Variants in DSCAML1 observed in about 807,000 individuals in gnomAD.
The protein encoded by DSCAML1 is DS cell adhesion molecule like 1, also known as cell adhesion molecule DSCAML1.
In DSCAML1, 38 loss-of-function variants were observed where a neutral mutation model predicts 200.5. The observed-to-expected ratio is 0.19, with a 90% CI of 0.15 to 0.25. The LOEUF (loss-of-function observed/expected upper bound fraction) is 0.25, where lower values mean the gene tolerates loss of function less well. Ranked by LOEUF, DSCAML1 falls within the 10% of genes least tolerant of loss-of-function variation. The probability of loss-of-function intolerance (pLI) is 1.00; values close to 1 mark genes in which losing one functional copy is unlikely to be tolerated. For synonymous variants in DSCAML1, 1,215 were observed against 1,165.0 expected, an observed-to-expected ratio of 1.04 and a Z score of -0.87; for missense variants, 2,223 against 2,858.8, an observed-to-expected ratio of 0.78 and a Z score of 5.07.
Position 117,780,658 on chromosome 11 carries a change from TGTC to T in DSCAML1, c.196_198del (p.Asp66del). 1 of 1,591,798 alleles carries T rather than the reference TGTC, an allele frequency of 6.3e-7. No individual in the cohort carries two copies. The highest frequency in any genetic ancestry group is 8.6e-7 in the Non-Finnish European group (1 of 1,167,836). Reference sequence around the variant, plus strand: ...TGCCGGATGTGCGGCACGTCGTAGATGTCGTCCCCTGTGGCCAGGTACCATCGA... The same window carrying T: ...TGCCGGATGTGCGGCACGTCGTAGATGTCCCCTGTGGCCAGGTACCATCGA... On this transcript the variant is annotated inframe_deletion, in exon 2 of 33. Transcript: ENST00000651296. The surrounding 1 kb of genome is among the most constrained non-coding windows in gnomAD (Gnocchi z 4.8).
At chr11:117,635,817 T>G (rs1241272988) in intron 3 of DSCAML1, among the ~76,000 whole-genome samples, 1 of 152,090 alleles carries the variant, frequency 6.6e-6, no homozygotes, top group Non-Finnish European at 1.5e-5. Context: ...GTCATAACGC[T>G]GGGTGGGAAA....
At chr11:117,626,208 CCTCCT>C (rs1435841392) in intron 3 of DSCAML1, among the ~76,000 whole-genome samples, 51 of 133,940 alleles carry the variant, frequency 3.8e-4, no homozygotes, top group African/African-American at 5.7e-4. Flanking sequence ...GACCCCCCCC[CCTCCT>C]TCTTCTGGCA....
intron 3 of DSCAML1, among the ~76,000 whole-genome samples, chr11:117,652,241 C>T (rs12295213): frequency 0.02 from 3,059 of 152,310 alleles, 96 homozygotes; most frequent in African/African-American, 0.067. Context: ...GAATTAGTCT[C>T]CAGCGTGTTG....
At chr11:117,553,290 A>T (rs576390) in intron 3 of DSCAML1, among the ~76,000 whole-genome samples, 2 of 152,060 alleles carry the variant, frequency 1.3e-5, no homozygotes, top group Middle Eastern at 3.2e-3. Context: ...TAAATTGGAC[A>T]TCATCAACAT....
chr11:117,656,496 CATCTATCT>C (rs71469141), intron 3 of DSCAML1, among the ~76,000 whole-genome samples: 3,412 of 147,374 alleles, frequency 0.023, 47 homozygotes, highest in African/African-American at 0.028. Flanking sequence ...TTACCTAAAT[CATCTATCT>C]ATCTATCTAT....
chr11:117,684,457 AAAAG>A (rs2053369638), intron 3 of DSCAML1, among the ~76,000 whole-genome samples: 1 of 148,520 alleles, frequency 6.7e-6, no homozygotes, highest in African/African-American at 2.5e-5. Context: ...AAAAAAAAAA[AAAAG>A]AAAAAAAGAG....
chr11:117,428,936 T>C (rs547201576), intron 32 of DSCAML1, 133 bp from the exon 33 acceptor site: 3 of 759,402 alleles, frequency 4.0e-6, no homozygotes, highest in Non-Finnish European at 6.3e-6. Context: ...TGGGGGGCAA[T>C]AAAGAGTAGC....
chr11:117,584,385 T>C (rs1206342309), intron 3 of DSCAML1, among the ~76,000 whole-genome samples: 1 of 152,150 alleles, frequency 6.6e-6, no homozygotes, highest in African/African-American at 2.4e-5. Context: ...ATGGGATGTT[T>C]AGGAGGAAAA....
intron 3 of DSCAML1, among the ~76,000 whole-genome samples, chr11:117,574,401 T>C (rs915961948): frequency 6.6e-6 from 1 of 152,118 alleles, no homozygotes; most frequent in African/African-American, 2.4e-5. Context: ...CTGCTGGTAT[T>C]AATGGGGAGC....
chr11:117,735,118 C>T (rs1278719968), intron 3 of DSCAML1, among the ~76,000 whole-genome samples: 2 of 152,180 alleles, frequency 1.3e-5, no homozygotes, highest in Non-Finnish European at 2.9e-5. Context: ...GTGGAAAGGG[C>T]AGATGGACTG....
intron 3 of DSCAML1, among the ~76,000 whole-genome samples, chr11:117,737,862 CTG>C (rs1400013304): frequency 6.6e-6 from 1 of 152,178 alleles, no homozygotes; most frequent in Admixed American, 6.5e-5. Flanking sequence ...ATGGCAGGCT[CTG>C]GGGACTGGGA....
At chr11:117,566,956 A>G (rs1565793801) in intron 3 of DSCAML1, among the ~76,000 whole-genome samples, 1 of 151,958 alleles carries the variant, frequency 6.6e-6, no homozygotes, top group East Asian at 1.9e-4. Flanking sequence ...TATGTGCCAC[A>G]TTTTCTTAAT....
chr11:117,725,606 C>T (rs906500592), intron 3 of DSCAML1, among the ~76,000 whole-genome samples: 4 of 152,176 alleles, frequency 2.6e-5, no homozygotes, highest in Admixed American at 1.3e-4. Context: ...TCATCCGTTC[C>T]GATCAGCTGC....
At chr11:117,473,323 T>A (rs2137186024) in intron 14 of DSCAML1, among the ~76,000 whole-genome samples, 1 of 152,128 alleles carries the variant, frequency 6.6e-6, no homozygotes, top group Admixed American at 6.5e-5. Context: ...ATGGTGAAAC[T>A]CTGTCTGTAC....
chr11:117,763,154 G>A (rs73587429), intron 3 of DSCAML1, among the ~76,000 whole-genome samples: 8,607 of 152,064 alleles, frequency 0.057, 339 homozygotes, highest in African/African-American at 0.098. Context: ...GGTATGTGAC[G>A]GAGGCAGCTC....
intron 3 of DSCAML1, among the ~76,000 whole-genome samples, chr11:117,757,337 T>C (rs1243673733): frequency 6.6e-6 from 1 of 152,116 alleles, no homozygotes; most frequent in African/African-American, 2.4e-5. Context: ...CAATCACTAA[T>C]AGCCTTCAAG....
intron 3 of DSCAML1, among the ~76,000 whole-genome samples, chr11:117,542,135 C>T (rs1458089131): frequency 1.3e-5 from 2 of 152,042 alleles, no homozygotes; most frequent in African/African-American, 4.8e-5. Context: ...CATGGTGAAA[C>T]CCCGTCTCTA....
intron 4 of DSCAML1, among the ~76,000 whole-genome samples, chr11:117,525,642 T>C (rs1489576336): frequency 6.6e-6 from 1 of 152,056 alleles, no homozygotes; most frequent in Non-Finnish European, 1.5e-5. Context: ...GTACTTTTAG[T>C]AGAGACAGGA....
chr11:117,702,001 C>T (rs998953529), intron 3 of DSCAML1, among the ~76,000 whole-genome samples: 10 of 152,172 alleles, frequency 6.6e-5, no homozygotes, highest in African/African-American at 1.4e-4. Flanking sequence ...TACACAGTCC[C>T]GTGGATCCAA....
Sources: allele counts gnomAD v4.1 joint callset (sites outside exome capture counted in the v4.1 genomes callset), GRCh38; gene constraint gnomAD v4.1.1; non-coding constraint Gnocchi (gnomAD v3.1); transcripts MANE v1.5; gene names NCBI Gene and HGNC (gene_info 2026-07-23, HGNC 2026-07-21).